The following SCN8A variants were observed in gnomAD, a reference collection of about 807,000 sequenced individuals.
The protein encoded by SCN8A is sodium voltage-gated channel alpha subunit 8, also known as sodium channel protein type 8 subunit alpha.
In SCN8A, 30 loss-of-function variants were observed where a neutral mutation model predicts 184.1. That is an observed-to-expected ratio of 0.16 (90% confidence interval 0.12 to 0.22). The LOEUF (loss-of-function observed/expected upper bound fraction) is 0.22, where lower values mean the gene tolerates loss of function less well. Ranked by LOEUF, SCN8A falls within the 10% of genes least tolerant of loss-of-function variation. The pLI, the probability that SCN8A is intolerant of heterozygous loss-of-function variation, is 1.00. For missense variants in SCN8A, 1,057 were observed against 2,498.9 expected (o/e 0.42, Z 12.30); for synonymous variants, 852 against 907.0 (o/e 0.94, Z 1.09).
At chr12:51,616,874 A>G (rs957211490) in intron 1 of SCN8A, among the ~76,000 whole-genome samples, 1 of 151,634 alleles carries the variant, frequency 6.6e-6, no homozygotes, top group African/African-American at 2.4e-5. Flanking sequence ...AGCCATGATC[A>G]TGCCACTGCA....
chr12:51,616,527 ATT>A (rs1178958896), intron 1 of SCN8A, among the ~76,000 whole-genome samples: 4 of 152,064 alleles, frequency 2.6e-5, no homozygotes, highest in African/African-American at 9.7e-5. Flanking sequence ...CAGGAGAATC[ATT>A]TGAACCCGGG....
At chr12:51,614,336 G>A (rs1413331147) in intron 1 of SCN8A, among the ~76,000 whole-genome samples, 3 of 151,950 alleles carry the variant, frequency 2.0e-5, no homozygotes, top group African/African-American at 7.2e-5. Context: ...ATTATTTAGT[G>A]TCTCTATCCC....
intron 12 of SCN8A, among the ~76,000 whole-genome samples, chr12:51,726,248 T>A (rs1480821286): frequency 6.6e-6 from 1 of 152,210 alleles, no homozygotes; most frequent in Non-Finnish European, 1.5e-5. Context: ...GGAAAGTAGG[T>A]GAGAATCATT....
At chr12:51,771,488 C>G (rs2138873216) in intron 19 of SCN8A, among the ~76,000 whole-genome samples, 1 of 151,678 alleles carries the variant, frequency 6.6e-6, no homozygotes, top group Non-Finnish European at 1.5e-5. Context: ...AAGATTTTGA[C>G]AGTGACTTGG....
chr12:51,653,318 A>C (rs1565874849), intron 1 of SCN8A, among the ~76,000 whole-genome samples: 2 of 152,174 alleles, frequency 1.3e-5, no homozygotes, highest in Non-Finnish European at 2.9e-5. Flanking sequence ...CTCTGTACCA[A>C]CTAAATAGTA....
At position 51,658,818 on chromosome 12, in the gene SCN8A, T is replaced by TA. The variant is rs539510892; in HGVS notation, c.-54-3940dup. 1.1e-4 allele frequency among the ~76,000 whole-genome samples: 16 copies of TA among 152,282 alleles called. No individual in the cohort carries two copies. In the South Asian group the frequency reaches 3.1e-3, roughly 30 times the overall value. Reference sequence around the variant, plus strand: ...ATTTCATCCCAATAAATTACTTTTTTAAAAAATACGAGATGCTGCTATACC... The same window carrying TA: ...ATTTCATCCCAATAAATTACTTTTTTAAAAAAATACGAGATGCTGCTATACC... On this transcript the variant is annotated intron_variant, in intron 1 of 26. Transcript: ENST00000627620.
At chr12:51,672,845 G>A (rs557130663) in intron 2 of SCN8A, among the ~76,000 whole-genome samples, 8 of 152,242 alleles carry the variant, frequency 5.3e-5, no homozygotes, top group Admixed American at 2.0e-4. Flanking sequence ...AATGATGCAC[G>A]CTTTCACAAG....
chr12:51,610,303 G>A (rs1417739369), intron 1 of SCN8A, among the ~76,000 whole-genome samples: 1 of 152,132 alleles, frequency 6.6e-6, no homozygotes, highest in Non-Finnish European at 1.5e-5. Context: ...TCTCCTGAAG[G>A]CAGCAGATGG....
intron 2 of SCN8A, among the ~76,000 whole-genome samples, chr12:51,679,731 T>C (rs1174001225): frequency 1.4e-5 from 2 of 144,154 alleles, no homozygotes; most frequent in African/African-American, 5.3e-5. Flanking sequence ...CTTTTTTTTT[T>C]TTTTTTTTTT....
intron 20 of SCN8A, among the ~76,000 whole-genome samples, chr12:51,776,438 T>G (rs1937697786): frequency 6.6e-6 from 1 of 152,226 alleles, no homozygotes; most frequent in East Asian, 1.9e-4. Flanking sequence ...AAGACCTCTG[T>G]GCCAGTTATT....
intron 1 of SCN8A, among the ~76,000 whole-genome samples, chr12:51,595,524 A>G (rs1483064937): frequency 6.6e-6 from 1 of 152,204 alleles, no homozygotes; most frequent in Non-Finnish European, 1.5e-5. Context: ...TTGGAATCAG[A>G]CAAAACTAGA....
intron 26 of SCN8A, among the ~76,000 whole-genome samples, chr12:51,804,822 C>T (rs183467805): frequency 4.5e-4 from 68 of 152,250 alleles, no homozygotes; most frequent in African/African-American, 1.6e-3. Context: ...TCTATCAGCT[C>T]AGAGTTGAAA....
At chr12:51,635,838 G>A (rs1429084814) in intron 1 of SCN8A, among the ~76,000 whole-genome samples, 1 of 152,014 alleles carries the variant, frequency 6.6e-6, no homozygotes, top group African/African-American at 2.4e-5. Flanking sequence ...TTAATATTAG[G>A]TATGTTTTAT....
chr12:51,732,457 G>A (rs184429159), intron 12 of SCN8A, among the ~76,000 whole-genome samples: 2 of 152,270 alleles, frequency 1.3e-5, no homozygotes, highest in Non-Finnish European at 2.9e-5. Context: ...GTACCATGCT[G>A]TTCTGGTTAC....
At chr12:51,752,001 T>C (rs1942602977) in intron 14 of SCN8A, among the ~76,000 whole-genome samples, 1 of 152,184 alleles carries the variant, frequency 6.6e-6, no homozygotes, top group African/African-American at 2.4e-5. Flanking sequence ...GGAGCTCTTA[T>C]AGTACACTAC....
At chr12:51,642,476 A>G (rs919400293) in intron 1 of SCN8A, among the ~76,000 whole-genome samples, 4 of 152,138 alleles carry the variant, frequency 2.6e-5, no homozygotes, top group Non-Finnish European at 5.9e-5. Flanking sequence ...GCAATTTGTC[A>G]CTCTGTCAGC....
intron 1 of SCN8A, among the ~76,000 whole-genome samples, chr12:51,639,890 T>TGC (rs1940408590): frequency 1.8e-5 from 1 of 56,636 alleles, no homozygotes; most frequent in African/African-American, 7.3e-5. Context: ...TTTTTTTTTT[T>TGC]TTTTTTTTTT....
Position 51,706,761 on chromosome 12 carries a change from A to G in SCN8A, c.1635+46A>G, listed in dbSNP as rs1207377848. On this transcript the variant is annotated intron_variant, in intron 11 of 26. Transcript: ENST00000627620. ...TACCTTTTTCAAAAATGTATTTTTT[A>G]TTAAGGTAAAATGTGTATATGTATA... is the stretch of plus-strand genomic sequence containing the variant. The G allele has an allele frequency of 3.7e-6, 5 of 1,358,292 alleles. No homozygotes were observed. The East Asian group carries it at 1.3e-4, about 34-fold the overall frequency. The allele number at this position is 1,358,292 out of a possible 1,614,324, so 84.1% of individuals were successfully genotyped here.
chr12:51,797,367 C>T (rs1938440077), intron 26 of SCN8A, among the ~76,000 whole-genome samples: 1 of 151,794 alleles, frequency 6.6e-6, no homozygotes, highest in Non-Finnish European at 1.5e-5. Flanking sequence ...AGATATTTTC[C>T]TAGTACAAGT....
Sources: allele counts gnomAD v4.1 joint callset (sites outside exome capture counted in the v4.1 genomes callset), GRCh38; gene constraint gnomAD v4.1.1; transcripts MANE v1.5; gene names NCBI Gene and HGNC (gene_info 2026-07-23, HGNC 2026-07-21).